GRID2: variants seen among roughly 807,000 people sequenced by gnomAD.
The protein encoded by GRID2 is glutamate receptor ionotropic, delta-2.
GRID2 carries 33 observed loss-of-function variants against 114.8 expected under a neutral mutation model. The ratio of observed to expected loss-of-function variants is 0.29; its 90% CI spans 0.22 to 0.38. The LOEUF is 0.38. Among genes scored for constraint, GRID2 ranks in the 10% least tolerant of loss-of-function variants. The probability of loss-of-function intolerance (pLI) is 1.00; values close to 1 mark genes in which losing one functional copy is unlikely to be tolerated. For synonymous variants in GRID2, 505 were observed against 449.9 expected, an observed-to-expected ratio of 1.12 and a Z score of -1.55; for missense variants, 1,184 against 1,257.7, an observed-to-expected ratio of 0.94 and a Z score of 0.89.
At chr4:92,592,394 A>G (rs1383907915) in intron 2 of GRID2, among the ~76,000 whole-genome samples, 1 of 152,160 alleles carries the variant, frequency 6.6e-6, no homozygotes, top group Non-Finnish European at 1.5e-5. Flanking sequence ...CGGAATTATA[A>G]ATTAAGAAGA....
At chr4:93,087,056 A>G (rs1730392957) in intron 3 of GRID2, among the ~76,000 whole-genome samples, 1 of 101,978 alleles carries the variant, frequency 9.8e-6, no homozygotes, top group African/African-American at 4.4e-5. Flanking sequence ...ATTTTTTGAG[A>G]TGGAGTCTTC....
chr4:92,793,381 T>C (rs1174357655), intron 2 of GRID2, among the ~76,000 whole-genome samples: 1 of 151,732 alleles, frequency 6.6e-6, no homozygotes, highest in East Asian at 2.0e-4. Flanking sequence ...TTGAAGTGTT[T>C]GGGACTTTCT....
intron 2 of GRID2, among the ~76,000 whole-genome samples, chr4:92,962,004 G>C (rs62311177): frequency 0.028 from 4,282 of 151,864 alleles, 96 homozygotes; most frequent in Non-Finnish European, 0.044. Flanking sequence ...TTGAGCTCTA[G>C]AATTTCTTTT....
intron 4 of GRID2, among the ~76,000 whole-genome samples, chr4:93,182,937 C>T (rs1303269962): frequency 1.3e-5 from 2 of 152,150 alleles, no homozygotes; most frequent in Non-Finnish European, 2.9e-5. Flanking sequence ...CTGGGAGTGG[C>T]GCCCTACAAT....
At chr4:92,772,141 T>G (rs909903375) in intron 2 of GRID2, among the ~76,000 whole-genome samples, 1 of 152,202 alleles carries the variant, frequency 6.6e-6, no homozygotes, top group Non-Finnish European at 1.5e-5. Flanking sequence ...CCAAATCATC[T>G]TTAATTGTAT....
At chr4:93,031,075 C>T (rs527345251) in intron 2 of GRID2, among the ~76,000 whole-genome samples, 46 of 140,682 alleles carry the variant, frequency 3.3e-4, no homozygotes, top group African/African-American at 1.2e-3. Context: ...CTCGCTCTGT[C>T]GCCCAGACTG....
At chr4:92,379,309 C>T (rs2110233648) in intron 1 of GRID2, among the ~76,000 whole-genome samples, 1 of 151,948 alleles carries the variant, frequency 6.6e-6, no homozygotes, top group South Asian at 2.1e-4. Flanking sequence ...ATGTCAATAG[C>T]TGTTTAGATG....
chr4:93,693,971 C>G (rs1232935784), intron 14 of GRID2, among the ~76,000 whole-genome samples: 2 of 151,964 alleles, frequency 1.3e-5, no homozygotes, highest in Non-Finnish European at 2.9e-5. Context: ...AAACAAAGAG[C>G]AAAGAACTGT....
intron 11 of GRID2, among the ~76,000 whole-genome samples, chr4:93,484,769 G>A (rs72668778): frequency 0.011 from 1,638 of 151,954 alleles, 11 homozygotes; most frequent in Non-Finnish European, 0.015. Context: ...CATCCAGTTA[G>A]GTCACAGTTC....
intron 12 of GRID2, among the ~76,000 whole-genome samples, chr4:93,499,291 T>C (rs1048691430): frequency 6.6e-6 from 1 of 151,884 alleles, no homozygotes; most frequent in Non-Finnish European, 1.5e-5. Context: ...TCTTTCTCCA[T>C]TCTCTTCCCA....
At chr4:92,837,086 G>A (rs1742512142) in intron 2 of GRID2, among the ~76,000 whole-genome samples, 1 of 152,048 alleles carries the variant, frequency 6.6e-6, no homozygotes, top group African/African-American at 2.4e-5. Context: ...GAGGAGATGG[G>A]AGTTCAGTCT....
intron 13 of GRID2, among the ~76,000 whole-genome samples, chr4:93,608,654 T>G (rs562140236): frequency 7.2e-6 from 1 of 139,104 alleles, no homozygotes; most frequent in Non-Finnish European, 1.6e-5. Flanking sequence ...TCATTTTTTA[T>G]GGCTGCATAG....
At chr4:92,930,396 TTTTAA>T (rs1173034289) in intron 2 of GRID2, among the ~76,000 whole-genome samples, 1 of 151,256 alleles carries the variant, frequency 6.6e-6, no homozygotes, top group African/African-American at 2.4e-5. Flanking sequence ...GTTCAATTTA[TTTTAA>T]TTTATATTTT....
intron 2 of GRID2, among the ~76,000 whole-genome samples, chr4:92,683,092 G>T (rs566082095): frequency 2.8e-4 from 42 of 152,262 alleles, no homozygotes; most frequent in African/African-American, 9.4e-4. Context: ...AAGGTCAGGG[G>T]ATCAAGACCA....
intron 4 of GRID2, among the ~76,000 whole-genome samples, chr4:93,187,160 G>A (rs777499660): frequency 2.0e-5 from 3 of 152,276 alleles, no homozygotes; most frequent in Middle Eastern, 3.4e-3. Context: ...AGGTTTTCAT[G>A]TAAGAATTTT....
chr4:93,137,495 C>A (rs961899467), intron 4 of GRID2, among the ~76,000 whole-genome samples: 1 of 152,024 alleles, frequency 6.6e-6, no homozygotes, highest in Non-Finnish European at 1.5e-5. Context: ...CTGTCAATAT[C>A]ATCTAAGCAG....
intron 9 of GRID2, among the ~76,000 whole-genome samples, chr4:93,407,732 C>CCTCCTCCTCCTT (rs1766619724): frequency 9.7e-6 from 1 of 103,528 alleles, no homozygotes; most frequent in African/African-American, 4.2e-5. Flanking sequence ...TTCTCCTCCT[C>CCTCCTCCTCCTT]CTCCTCCTCC....
intron 1 of GRID2, among the ~76,000 whole-genome samples, chr4:92,362,719 T>A (rs982699069): frequency 1.3e-5 from 2 of 152,036 alleles, no homozygotes; most frequent in Non-Finnish European, 2.9e-5. Flanking sequence ...CTAAGAAGTT[T>A]TAAATCAAAA....
chr4:93,172,640 A>C (rs1357670286), intron 4 of GRID2, among the ~76,000 whole-genome samples: 1 of 152,138 alleles, frequency 6.6e-6, no homozygotes, highest in Admixed American at 6.6e-5. Flanking sequence ...ATTGGAAAAT[A>C]TATCTAATCA....
Sources: gnomAD v4.1 joint callset for allele counts (sites outside exome capture counted in the v4.1 genomes callset) on GRCh38, gnomAD v4.1.1 for gene constraint, MANE v1.5 for transcripts, NCBI Gene and HGNC (gene_info 2026-07-23, HGNC 2026-07-21) for gene names.